The following GDAP1 variants were observed in gnomAD, a reference collection of about 807,000 sequenced individuals.
The protein encoded by GDAP1 is ganglioside induced differentiation associated protein 1.
In GDAP1, 34 loss-of-function variants were observed where a neutral mutation model predicts 40.1. The ratio of observed to expected loss-of-function variants is 0.85; its 90% CI spans 0.64 to 1.13. GDAP1 has a LOEUF of 1.13. Among genes scored for constraint, GDAP1 ranks in the 50% most tolerant of loss-of-function variants. The pLI is 0.00. For synonymous variants in GDAP1, 170 were observed against 157.4 expected, an observed-to-expected ratio of 1.08 and a Z score of -0.60; for missense variants, 374 against 433.7, an observed-to-expected ratio of 0.86 and a Z score of 1.22.
chr8:74,392,099 G>A (rs1008025981), intron 2 of GDAP1, among the ~76,000 whole-genome samples: 1 of 152,188 alleles, frequency 6.6e-6, no homozygotes, highest in Non-Finnish European at 1.5e-5. Context: ...GATTACAGGT[G>A]TGAGCCATCA....
At chr8:74,472,516 G>A (rs576635522) in intron 2 of GDAP1, among the ~76,000 whole-genome samples, 5 of 152,222 alleles carry the variant, frequency 3.3e-5, no homozygotes, top group African/African-American at 9.6e-5. Flanking sequence ...TTGCCACACT[G>A]CTTTCCACAA....
intron 2 of GDAP1, among the ~76,000 whole-genome samples, chr8:74,429,953 G>A (rs556027184): frequency 3.9e-5 from 6 of 152,074 alleles, no homozygotes; most frequent in South Asian, 4.2e-4. Flanking sequence ...TGCACATCAC[G>A]GACAGTGTTA....
rs927511336 is a variant in GDAP1 at position 74,488,736 on chromosome 8, G to A, written c.224G>A (p.Trp75Ter). Reference sequence around the variant, plus strand: ...CTCACCTGGTGCCAAAGACAACAGTGGACTTGGCAGAGCTTGCTGCCTTGA... The same window carrying A: ...CTCACCTGGTGCCAAAGACAACAGTAGACTTGGCAGAGCTTGCTGCCTTGA... Residue 75 changes from tryptophan (W) to a stop codon, truncating the protein, a stop_gained, in exon 3 of 3, where the codon TGG becomes TAG. Coordinates refer to the GDAP1 transcript ENST00000523640. LOFTEE classifies it high-confidence loss of function. 3.9e-5 allele frequency: 6 copies of A among 152,168 alleles called. No individual in the cohort carries two copies. The highest frequency in any genetic ancestry group is 1.4e-4 in the African/African-American group (6 of 41,438). 9.4% of individuals were successfully genotyped at this position (152,168 alleles called of 1,614,324 possible).
rs983427508 is a variant in GDAP1 at position 74,417,286 on chromosome 8, A to G, written c.165+65965A>G. ...CAGAATCTATAAAAACTTTAGAGCC[A>G]ATATCACAATTGACAGTGAAAGACT... On this transcript the variant is annotated intron_variant, in intron 2 of 2. Coordinates refer to the GDAP1 transcript ENST00000523640. Among the ~76,000 whole-genome samples, 11 of 150,252 alleles carry G rather than the reference A, an allele frequency of 7.3e-5. 1 individual carries two copies. The highest frequency in any genetic ancestry group is 2.8e-4 in the African/African-American group (11 of 39,518).
intron 2 of GDAP1, among the ~76,000 whole-genome samples, chr8:74,472,891 G>A (rs1806577816): frequency 6.6e-6 from 1 of 151,916 alleles, no homozygotes; most frequent in African/African-American, 2.4e-5. Flanking sequence ...GGGACTATAG[G>A]TTCGTGCCAC....
chr8:74,361,110 G>A (rs1280320948), intron 3 of GDAP1, among the ~76,000 whole-genome samples: 2 of 148,162 alleles, frequency 1.3e-5, no homozygotes, highest in Non-Finnish European at 3.0e-5. Context: ...TTTCTCCACT[G>A]CCCTCTCTTC....
chr8:74,362,009 A>G, intron 4 of GDAP1, 31 bp downstream of exon 4: 1 of 1,055,610 alleles, frequency 9.5e-7, no homozygotes, highest in Non-Finnish European at 1.5e-6. Flanking sequence ...CAGTTGACAT[A>G]CACTGCACGG....
At chr8:74,351,241 A>G (rs534885395) in intron 1 of GDAP1, 33 bp from the exon 2 acceptor site, 14 of 1,571,672 alleles carry the variant, frequency 8.9e-6, no homozygotes, top group South Asian at 5.5e-5. Context: ...GAAAGCTTAC[A>G]TGTGTTGTAG....
At chr8:74,363,657 G>T (rs1227568360) in intron 5 of GDAP1, among the ~76,000 whole-genome samples, 2 of 152,204 alleles carry the variant, frequency 1.3e-5, no homozygotes, top group African/African-American at 4.8e-5. Flanking sequence ...TAAACCAGAA[G>T]GAAGTTTCTT....
chr8:74,361,149 C>T (rs1268879327), intron 3 of GDAP1, among the ~76,000 whole-genome samples: 4 of 151,916 alleles, frequency 2.6e-5, no homozygotes, highest in African/African-American at 9.7e-5. Flanking sequence ...ATTCCTCCTC[C>T]TCTTCATAAA....
chr8:74,472,714 CTTTTCTTTTCTTTT>C (rs1806573895), intron 2 of GDAP1, among the ~76,000 whole-genome samples: 1 of 10,084 alleles, frequency 9.9e-5, no homozygotes, highest in African/African-American at 1.7e-4. Context: ...GCTTTCTTTT[CTTTTCTTTTCTTTT>C]CTTTTCTTTT....
chr8:74,382,875 G>C (rs4469448), intron 2 of GDAP1, among the ~76,000 whole-genome samples: 73,779 of 151,774 alleles, frequency 0.49, 17,966 homozygotes, highest in African/African-American at 0.53. Context: ...TTCAGTTACT[G>C]TCTGGAATCC....
intron 2 of GDAP1, among the ~76,000 whole-genome samples, chr8:74,433,161 C>T (rs1311296787): frequency 1.3e-5 from 2 of 152,302 alleles, no homozygotes; most frequent in East Asian, 3.9e-4. Flanking sequence ...TCAGAGGAGC[C>T]TTTCCTGATC....
chr8:74,402,246 G>A (rs1293080990), intron 2 of GDAP1, among the ~76,000 whole-genome samples: 1 of 150,552 alleles, frequency 6.6e-6, no homozygotes, highest in Admixed American at 6.6e-5. Flanking sequence ...ACCTAAGCAA[G>A]CCTGGGCAAT....
At chr8:74,470,100 T>A (rs1806529052) in intron 2 of GDAP1, among the ~76,000 whole-genome samples, 1 of 152,308 alleles carries the variant, frequency 6.6e-6, no homozygotes, top group African/African-American at 2.4e-5. Context: ...TTACTCTGTT[T>A]AGGTTTTTTT....
At chr8:74,428,721 A>G (rs1344301496) in intron 2 of GDAP1, among the ~76,000 whole-genome samples, 1 of 142,324 alleles carries the variant, frequency 7.0e-6, no homozygotes, top group African/African-American at 2.6e-5. Context: ...ACCTCAAGTA[A>G]TCCACCCACC....
intron 2 of GDAP1, among the ~76,000 whole-genome samples, chr8:74,468,478 TACAC>T (rs71271804): frequency 0.11 from 15,286 of 138,988 alleles, 895 homozygotes; most frequent in East Asian, 0.19. Flanking sequence ...AATGACCCCA[TACAC>T]ACACACACAC....
intron 2 of GDAP1, among the ~76,000 whole-genome samples, chr8:74,406,611 G>A (rs1451804257): frequency 6.7e-6 from 1 of 150,080 alleles, no homozygotes; most frequent in African/African-American, 2.5e-5. Context: ...AAGAAATCCT[G>A]CAATTATTAT....
chr8:74,445,304 A>T (rs916211938), intron 2 of GDAP1, among the ~76,000 whole-genome samples: 43 of 152,328 alleles, frequency 2.8e-4, no homozygotes, highest in Non-Finnish European at 5.0e-4. Context: ...CATCTTTTAT[A>T]ACCTTCTAAA....
Sources: allele counts gnomAD v4.1 joint callset (sites outside exome capture counted in the v4.1 genomes callset), GRCh38; gene constraint gnomAD v4.1.1; transcripts MANE v1.5; gene names NCBI Gene and HGNC (gene_info 2026-07-23, HGNC 2026-07-21).